PANK1: variants seen among roughly 807,000 people sequenced by gnomAD.
The protein encoded by PANK1 is pantothenic acid kinase 1.
A neutral mutation model predicts 40.1 loss-of-function variants in PANK1; 18 were observed. The ratio of observed to expected loss-of-function variants is 0.45; its 90% CI spans 0.31 to 0.67. The LOEUF (loss-of-function observed/expected upper bound fraction) is 0.67, where lower values mean the gene tolerates loss of function less well. PANK1 is among the 30% of genes least tolerant of loss of function. The pLI is 0.06. For synonymous variants in PANK1, 242 were observed against 237.7 expected, an observed-to-expected ratio of 1.02 and a Z score of -0.17; for missense variants, 457 against 599.6, an observed-to-expected ratio of 0.76 and a Z score of 2.48.
intron 6 of PANK1, 93 bp downstream of exon 6, chr10:89,588,559 G>A: frequency 1.1e-6 from 1 of 947,528 alleles, no homozygotes. Context: ...TTTTCTACTT[G>A]ACCAATTTAA....
At chr10:89,638,028 G>A (rs940697334) in intron 1 of PANK1, among the ~76,000 whole-genome samples, 2 of 151,792 alleles carry the variant, frequency 1.3e-5, no homozygotes, top group Non-Finnish European at 2.9e-5. Flanking sequence ...CAATATCACG[G>A]TCTTCCACAC....
At chr10:89,622,722 A>C (rs1217376091) in intron 1 of PANK1, among the ~76,000 whole-genome samples, 1 of 152,030 alleles carries the variant, frequency 6.6e-6, no homozygotes, top group Admixed American at 6.5e-5. Context: ...CTGTAATCCC[A>C]GCTACTCAGG....
chr10:89,632,665 A>G (rs569602460), intron 1 of PANK1, among the ~76,000 whole-genome samples: 2 of 152,366 alleles, frequency 1.3e-5, no homozygotes, highest in Non-Finnish European at 2.9e-5. Flanking sequence ...ATCCATACAC[A>G]TAAAAGCACA....
At chr10:89,641,765 AAAT>A (rs141392612) in intron 1 of PANK1, among the ~76,000 whole-genome samples, 25,104 of 135,448 alleles carry the variant, frequency 0.19, 2,618 homozygotes, top group African/African-American at 0.31. Context: ...ATAAATAAAT[AAAT>A]AAATAAAATA....
chr10:89,618,090 A>C (rs1490348712), intron 1 of PANK1, among the ~76,000 whole-genome samples: 1 of 152,228 alleles, frequency 6.6e-6, no homozygotes, highest in Non-Finnish European at 1.5e-5. Context: ...CAAGGGCTGA[A>C]GAGAACAATG....
chr10:89,617,377 G>A (rs778015001), intron 1 of PANK1, among the ~76,000 whole-genome samples: 7 of 152,188 alleles, frequency 4.6e-5, no homozygotes, highest in Admixed American at 1.3e-4. Context: ...TAAAGAATGA[G>A]CAGATCTAGT....
intron 2 of PANK1, among the ~76,000 whole-genome samples, chr10:89,600,386 G>T (rs931130969): frequency 2.6e-5 from 4 of 152,222 alleles, no homozygotes; most frequent in Non-Finnish European, 4.4e-5. Flanking sequence ...TCTGTAGTTA[G>T]ATCTGGCTTT....
chr10:89,642,619 T>C (rs534191482), intron 1 of PANK1, among the ~76,000 whole-genome samples: 1 of 152,312 alleles, frequency 6.6e-6, no homozygotes, highest in East Asian at 1.9e-4. Flanking sequence ...TAATTCCTCT[T>C]AGAGTAACTA....
intron 1 of PANK1, among the ~76,000 whole-genome samples, chr10:89,629,384 TCTGA>T (rs1220680568): frequency 6.6e-6 from 1 of 152,226 alleles, no homozygotes; most frequent in Non-Finnish European, 1.5e-5. Context: ...AGATGTAATA[TCTGA>T]CTGAGAAAAG....
At chr10:89,600,047 A>T (rs1844728785) in intron 2 of PANK1, among the ~76,000 whole-genome samples, 1 of 152,194 alleles carries the variant, frequency 6.6e-6, no homozygotes, top group African/African-American at 2.4e-5. Context: ...AAGCTGGAAG[A>T]GGCAAAGAAT....
chr10:89,587,605 A>G (rs1589755129), intron 6 of PANK1, among the ~76,000 whole-genome samples: 1 of 152,194 alleles, frequency 6.6e-6, no homozygotes. Flanking sequence ...GAGGTGCATA[A>G]TATTGTAGAT....
intron 1 of PANK1, chr10:89,643,907 T>G: frequency 1.5e-6 from 2 of 1,377,912 alleles, no homozygotes; most frequent in South Asian, 3.5e-5. Flanking sequence ...CCGGTGTACA[T>G]TACAATTACA....
At chr10:89,615,936 C>A (rs1329622832) in intron 1 of PANK1, among the ~76,000 whole-genome samples, 1 of 152,150 alleles carries the variant, frequency 6.6e-6, no homozygotes, top group African/African-American at 2.4e-5. Flanking sequence ...CTCATGTTTT[C>A]TTTACTCCAG....
chr10:89,606,104 A>G (rs931841058), intron 2 of PANK1, among the ~76,000 whole-genome samples: 1 of 152,230 alleles, frequency 6.6e-6, no homozygotes, highest in Non-Finnish European at 1.5e-5. Flanking sequence ...ACTATCATCC[A>G]TGCCTTATTG....
chr10:89,580,545 C>T (rs770837379), downstream of PANK1: 1 of 152,404 alleles, frequency 6.6e-6, no homozygotes, highest in Non-Finnish European at 1.5e-5. Context: ...TCCCTCAGCG[C>T]TTCTGCTCAC....
intron 1 of PANK1, among the ~76,000 whole-genome samples, chr10:89,641,562 A>G (rs1048776694): frequency 1.3e-5 from 2 of 152,172 alleles, no homozygotes; most frequent in African/African-American, 4.8e-5. Context: ...AGCCCTTCAG[A>G]TGATACTCAC....
chr10:89,623,563 A>T (rs1845568912), intron 1 of PANK1, among the ~76,000 whole-genome samples: 1 of 151,650 alleles, frequency 6.6e-6, no homozygotes, highest in Admixed American at 6.6e-5. Context: ...CTTGAACTTC[A>T]TAATCAGAGC....
intron 2 of PANK1, among the ~76,000 whole-genome samples, chr10:89,602,263 G>T (rs1342525971): frequency 6.6e-6 from 1 of 152,084 alleles, no homozygotes; most frequent in Non-Finnish European, 1.5e-5. Context: ...TACTAGAAAA[G>T]AAACATCATT....
rs371501466 is a variant in PANK1, at chr10:89,599,363, T to C, written c.788A>G (p.Lys263Arg). Residue 263 changes from lysine to arginine, a missense_variant, in exon 3 of 7, where the codon AAG becomes AGG. Lys to Arg is a conservative substitution (Grantham distance 26, BLOSUM62 2). Transcript: ENST00000307534. ...NPTNPELCQK[K>R]PYCLDNPYPM... The stretch of plus-strand genomic sequence containing the variant: ...GTATGGGTTATCAAGGCAGTACGGC[T>C]TTTTTTGACACAATTCAGGATTTGT... 2.4e-5 allele frequency: 38 copies of C among 1,612,948 alleles called. 1 individual carries two copies. Among genetic ancestry groups the C allele is most frequent in the Non-Finnish European group, 2.9e-5 (34 of 1,179,042 alleles).
Sources: allele counts gnomAD v4.1 joint callset (sites outside exome capture counted in the v4.1 genomes callset), GRCh38; gene constraint gnomAD v4.1.1; transcripts MANE v1.5; gene names NCBI Gene and HGNC (gene_info 2026-07-23, HGNC 2026-07-21).